ASAP3: variants seen among roughly 807,000 people sequenced by gnomAD.
The protein encoded by ASAP3 is ArfGAP with SH3 domain, ankyrin repeat and PH domain 3.
In ASAP3, 85 loss-of-function variants were observed where a neutral mutation model predicts 118.2. The observed-to-expected ratio is 0.72, with a 90% CI of 0.60 to 0.86. The LOEUF (loss-of-function observed/expected upper bound fraction) is 0.86, where lower values mean the gene tolerates loss of function less well. ASAP3 is among the 40% of genes least tolerant of loss of function. ASAP3 has a pLI of 0.00. For synonymous variants in ASAP3, 432 were observed against 477.4 expected (o/e 0.90, Z 1.24); for missense variants, 1,026 against 1,175.0 (o/e 0.87, Z 1.85).
intron 1 of ASAP3, among the ~76,000 whole-genome samples, chr1:23,474,079 T>C (rs1166633593): frequency 7.1e-6 from 1 of 140,374 alleles, no homozygotes; most frequent in African/African-American, 2.6e-5. Flanking sequence ...GCAATTCTCC[T>C]GCCTCAGCCT....
intron 5 of ASAP3, among the ~76,000 whole-genome samples, chr1:23,451,198 G>A (rs922690025): frequency 3.3e-5 from 5 of 152,212 alleles, no homozygotes; most frequent in Admixed American, 1.3e-4. Context: ...TGTTTGGTCA[G>A]TGCTAGCTCC....
At chr1:23,464,119 G>A (rs377109947) in intron 1 of ASAP3, among the ~76,000 whole-genome samples, 1 of 151,478 alleles carries the variant, frequency 6.6e-6, no homozygotes, top group South Asian at 2.1e-4. Flanking sequence ...AGGATCGCTT[G>A]AGCCCAGGAG....
chr1:23,455,102 G>A (rs1354542966), intron 3 of ASAP3, among the ~76,000 whole-genome samples: 2 of 152,170 alleles, frequency 1.3e-5, no homozygotes, highest in Non-Finnish European at 2.9e-5. Flanking sequence ...GCTTATGCTT[G>A]GACTCTGGAG....
Position 23,441,437 on chromosome 1 carries a change from T to C in ASAP3, c.784A>G (p.Thr262Ala). 4 of 1,614,120 alleles carry C rather than the reference T, an allele frequency of 2.5e-6. No individual in the cohort carries two copies. The highest frequency in any genetic ancestry group is 2.5e-6 in the Non-Finnish European group (3 of 1,180,024). ...QAQEDELQKL[T>A]QLRDSLRGTL... ...CCTCGGAGGGAGTCCCGGAGCTGGG[T>C]CAGCTTCTGTAGCTCGTCCTCCTGG... Residue 262 changes from threonine to alanine, a missense_variant, in exon 9 of 25, where the codon ACC becomes GCC. Thr to Ala is a moderately conservative substitution (Grantham distance 58, BLOSUM62 0). Transcript: ENST00000336689.
At position 23,428,970 on chromosome 1, in the gene ASAP3, C is replaced by T. The variant is rs1442863563; in HGVS notation, c.*886G>A. ...CTCTCCATTCCCTCAGACTAAAAGG[C>T]TCCTGAGTTGACCAAGAGAAAGAGA... On this transcript the variant is annotated 3_prime_UTR_variant, in exon 25 of 25. Coordinates refer to ENST00000336689, the MANE Select transcript of ASAP3 (RefSeq NM_017707.4). 6.5e-6 allele frequency: 1 copy of T among 154,798 alleles called. No homozygotes were observed. Among genetic ancestry groups the T allele is most frequent in the Non-Finnish European group, 1.5e-5 (1 of 68,214 alleles). The allele number at this position is 154,798 out of a possible 1,614,324, so 9.6% of individuals were successfully genotyped here. A position where few individuals can be genotyped will look rare whatever the true frequency, so the allele number is the denominator to read the frequency against.
intron 3 of ASAP3, among the ~76,000 whole-genome samples, chr1:23,454,179 C>G (rs1051712402): frequency 1.5e-5 from 2 of 133,880 alleles, no homozygotes; most frequent in Admixed American, 9.1e-5. Flanking sequence ...CGCCCCCACA[C>G]CTGGCATTTT....
chr1:23,434,788 G>A (rs551222781), intron 17 of ASAP3, among the ~76,000 whole-genome samples, 170 bp from the exon 18 acceptor site: 1 of 152,038 alleles, frequency 6.6e-6, no homozygotes, highest in African/African-American at 2.4e-5. Context: ...GAAGGTGAAG[G>A]GCCATTCTCC....
Position 23,434,514 on chromosome 1 carries a change from C to A in ASAP3, c.1835+19G>T, listed in dbSNP as rs370517348. On this transcript the variant is annotated intron_variant, in intron 18 of 24. Coordinates refer to ENST00000336689, the MANE Select transcript of ASAP3 (RefSeq NM_017707.4). ...GAGGGAGTGTGAGGAGCCAGACAGA[C>A]AGGCAGGGAGGCTCTCACCCGTTCT... The A allele has an allele frequency of 1.2e-6, 2 of 1,613,766 alleles. No individual in the cohort carries two copies. The highest frequency in any genetic ancestry group is 2.7e-5 in the African/African-American group (2 of 74,890).
chr1:23,443,930 C>A lies in ASAP3; in HGVS notation c.474-1318G>T, dbSNP rs1185805430. 2.0e-5 allele frequency among the ~76,000 whole-genome samples: 3 copies of A among 152,076 alleles called. No individual in the cohort carries two copies. The East Asian group carries it at 5.8e-4, about 29-fold the overall frequency. On this transcript the variant is annotated intron_variant, in intron 5 of 24. Transcript: ENST00000336689. Reference sequence around the variant, plus strand: ...TAGAGATGGGGTTTCACCGTGTTAGCCAGGATGGTCTTGATCTCCTGACCT... The same window carrying A: ...TAGAGATGGGGTTTCACCGTGTTAGACAGGATGGTCTTGATCTCCTGACCT...
chr1:23,468,200 C>T (rs1641839486), intron 1 of ASAP3, among the ~76,000 whole-genome samples: 1 of 152,148 alleles, frequency 6.6e-6, no homozygotes, highest in Admixed American at 6.5e-5. Context: ...CTCCCTTGTT[C>T]ATTTCCAGGC....
intron 10 of ASAP3, among the ~76,000 whole-genome samples, chr1:23,440,579 G>A (rs1449531125): frequency 5.4e-5 from 8 of 148,206 alleles, no homozygotes; most frequent in Non-Finnish European, 8.9e-5. Flanking sequence ...ACTGCCAGCC[G>A]GGCGCGGTGG....
rs1640883647 is a variant in ASAP3 at position 23,441,823 on chromosome 1, A to G, written c.672-93T>C. The G allele has an allele frequency of 3.1e-6, 4 of 1,293,782 alleles. No individual in the cohort carries two copies. The Admixed American group carries it at 5.7e-5, about 18-fold the overall frequency. The allele number at this position is 1,293,782 out of a possible 1,614,324, so 80.1% of individuals were successfully genotyped here. A position where few individuals can be genotyped will look rare whatever the true frequency, so the allele number is the denominator to read the frequency against. ...TGGGAGAAGCTGCCGTAAGGATCAC[A>G]GGGCACCTCAGGGAATTGTAGTCTG... On this transcript the variant is annotated intron_variant, in intron 7 of 24. Coordinates refer to ENST00000336689, the MANE Select transcript of ASAP3 (RefSeq NM_017707.4).
chr1:23,477,518 G>A (rs1392048965), intron 1 of ASAP3, among the ~76,000 whole-genome samples: 1 of 152,060 alleles, frequency 6.6e-6, no homozygotes, highest in Non-Finnish European at 1.5e-5. Context: ...TATGCACTGG[G>A]ACATGAGGAT....
Position 23,437,338 on chromosome 1 carries a change from GGTGGGATGGGGATGTCAA to G in ASAP3, c.1152-36_1152-19del. On this transcript the variant is annotated intron_variant, in intron 13 of 24. Coordinates refer to ENST00000336689, the MANE Select transcript of ASAP3 (RefSeq NM_017707.4). The surrounding 1 kb of genome is among the most constrained non-coding windows in gnomAD (Gnocchi z 6.1). ...ACACCCACCTGCGGAGATTGAACGG[GGTGGGATGGGGATGTCAA>G]GTGGGAAGAGATAGGGCCGCCGGCC... The G allele has an allele frequency of 6.2e-7, 1 of 1,609,044 alleles. No homozygotes were observed. The highest frequency in any genetic ancestry group is 8.5e-7 in the Non-Finnish European group (1 of 1,176,844).
intron 23 of ASAP3, among the ~76,000 whole-genome samples, chr1:23,431,366 G>A (rs1379203670): frequency 6.6e-6 from 1 of 152,232 alleles, no homozygotes; most frequent in African/African-American, 2.4e-5. Context: ...GTATGGAAGG[G>A]AGAAGACTGG....
intron 4 of ASAP3, among the ~76,000 whole-genome samples, chr1:23,452,137 G>A (rs1641235513): frequency 6.6e-6 from 1 of 152,208 alleles, no homozygotes; most frequent in Non-Finnish European, 1.5e-5. Flanking sequence ...TGCCTGTCTG[G>A]TTTGTGTGGT....
intron 11 of ASAP3, 83 bp downstream of exon 11, chr1:23,439,078 G>A (rs1218716618): frequency 2.6e-6 from 4 of 1,539,636 alleles, no homozygotes; most frequent in East Asian, 4.5e-5. Flanking sequence ...AGTCTTAGAG[G>A]GAGGGCTTGA....
rs776680053 is a variant in ASAP3, at chr1:23,436,976, G to C, written c.1411C>G (p.Leu471Val). The change falls in exon 15 of 25, where the codon CTG (leucine) becomes GTG (valine). Residue 471 changes from leucine to valine, a missense_variant. Transcript: ENST00000336689. This position sits in a 1 kb window ranked among gnomAD's most constrained non-coding sequence, Gnocchi z 4.2. ...CIQCSGVHRE[L>V]GVRFSRMQSL... ...TGCATGCGCGAAAAGCGCACGCCCA[G>C]TTCGCGGTGGACGCCCGAGCACTGG... 7 of 1,612,494 alleles carry C rather than the reference G, an allele frequency of 4.3e-6. No homozygotes were observed. In the Admixed American group the frequency reaches 1.2e-4, roughly 27 times the overall value.
Position 23,431,758 on chromosome 1 carries a change from G to A in ASAP3, c.2484C>T (p.Thr828=), listed in dbSNP as rs1171467491. The A allele has an allele frequency of 4.6e-6, 7 of 1,526,260 alleles. No homozygotes were observed. Among genetic ancestry groups the A allele is most frequent in the Non-Finnish European group, 5.2e-6 (6 of 1,143,360 alleles). The allele number at this position is 1,526,260 out of a possible 1,614,324, so 94.5% of individuals were successfully genotyped here. ...SEEGLREPPG[T]SRPSLTSGTT... is the part of the protein sequence containing the mutation. ...TCCCGGATGTCAGGCTGGGTCTGGAGGTGCCTGGGGGCTCTCGGAGGCCCT... is the reference window on the plus strand; with the variant it reads ...TCCCGGATGTCAGGCTGGGTCTGGAAGTGCCTGGGGGCTCTCGGAGGCCCT... The change falls in exon 23 of 25, where the codon ACC becomes ACT. Residue 828 remains threonine, a synonymous_variant. Transcript: ENST00000336689.
Sources: gnomAD v4.1 joint callset for allele counts (sites outside exome capture counted in the v4.1 genomes callset) on GRCh38, gnomAD v4.1.1 for gene constraint, Gnocchi (gnomAD v3.1) non-coding constraint, MANE v1.5 for transcripts, NCBI Gene and HGNC (gene_info 2026-07-23, HGNC 2026-07-21) for gene names.